RYR1: variants seen among roughly 807,000 people sequenced by gnomAD.
RYR1 encodes the protein ryanodine receptor 1.
RYR1 carries 342 observed loss-of-function variants against 583.5 expected under a neutral mutation model. That is an observed-to-expected ratio of 0.59 (90% CI 0.54 to 0.64). The LOEUF is 0.64. RYR1 is among the 30% of genes least tolerant of loss of function. The pLI is 0.00. For synonymous variants in RYR1, 2,791 were observed against 2,822.5 expected (o/e 0.99, Z 0.35); for missense variants, 6,032 against 6,917.2 (o/e 0.87, Z 4.54).
chr19:38,498,288 G>A (rs571525221), intron 42 of RYR1, among the ~76,000 whole-genome samples: 3 of 152,244 alleles, frequency 2.0e-5, no homozygotes, highest in Admixed American at 6.5e-5. Flanking sequence ...GAGGAGGGAC[G>A]TGACCTGACT....
Position 38,543,467 on chromosome 19 carries a change from G to A in RYR1, c.11778+32G>A, listed in dbSNP as rs768992945. On this transcript the variant is annotated intron_variant, in intron 85 of 105. Transcript: ENST00000359596. This position sits in a 1 kb window ranked among gnomAD's most constrained non-coding sequence, Gnocchi z 4.4. The stretch of plus-strand genomic sequence containing the variant: ...ACGTGAGACGGTTCAGGTGTGACTT[G>A]GGTCGGGGGCTGCAGGGCCATGGTC... 5.6e-6 allele frequency: 9 copies of A among 1,614,206 alleles called. No homozygotes were observed. The highest frequency in any genetic ancestry group is 7.6e-6 in the Non-Finnish European group (9 of 1,180,022).
At chr19:38,438,800 A>AC (rs1343564623) in intron 1 of RYR1, among the ~76,000 whole-genome samples, 2 of 151,384 alleles carry the variant, frequency 1.3e-5, no homozygotes, top group African/African-American at 4.9e-5. Context: ...TTGTATTTTT[A>AC]GTAGAGACGG....
rs933777872 is a variant in RYR1 at position 38,583,310 on chromosome 19, A to G, written c.14647-1633A>G. Among the ~76,000 whole-genome samples, 11 of 151,286 alleles carry G rather than the reference A, an allele frequency of 7.3e-5. No individual in the cohort carries two copies. The South Asian group carries it at 1.7e-3, about 23-fold the overall frequency. On this transcript the variant is annotated intron_variant, in intron 101 of 105. Coordinates refer to ENST00000359596, the MANE Select transcript of RYR1 (RefSeq NM_000540.3). Reference sequence around the variant, plus strand: ...AAAACTCCATCTCAAAAAAAAAAAAAAAAGAAAAAAGTACAAAAATTAGCT... The same window carrying G: ...AAAACTCCATCTCAAAAAAAAAAAAGAAAGAAAAAAGTACAAAAATTAGCT...
chr19:38,565,897 C>T lies in RYR1; in HGVS notation c.13437+126C>T, dbSNP rs905284688. ...CTAGGGGGATGGGCACACGCACCCA[C>T]GGAGGACGCACCCATGGAGGACGCA... On this transcript the variant is annotated intron_variant, in intron 91 of 105. Transcript: ENST00000359596. This position sits in a 1 kb window ranked among gnomAD's most constrained non-coding sequence, Gnocchi z 4.7. The T allele has an allele frequency of 1.8e-6, 2 of 1,109,836 alleles. No homozygotes were observed. The highest frequency in any genetic ancestry group is 2.8e-5 in the South Asian group (1 of 35,200). 68.7% of individuals were successfully genotyped at this position (1,109,836 alleles called of 1,614,324 possible). A position where few individuals can be genotyped will look rare whatever the true frequency, so the allele number is the denominator to read the frequency against.
chr19:38,585,881 G>A (rs187378759), intron 102 of RYR1, 57 bp from the exon 103 acceptor site: 6 of 1,601,462 alleles, frequency 3.7e-6, no homozygotes, highest in Non-Finnish European at 4.3e-6. Context: ...TAGCTGGAGA[G>A]GGGGGAGTCT....
Position 38,546,468 on chromosome 19 carries a change from G to A in RYR1, c.12036G>A (p.Leu4012=), listed in dbSNP as rs922413679. The A allele has an allele frequency of 1.2e-6, 2 of 1,613,768 alleles. No individual in the cohort carries two copies. Among genetic ancestry groups the A allele is most frequent in the African/African-American group, 2.7e-5 (2 of 74,870 alleles). Residue 4012 remains leucine, a synonymous_variant, in exon 88 of 106, where the codon CTG becomes CTA. Transcript: ENST00000359596. The part of the protein sequence containing the change: ...LAQDSSQIEL[L]KELLDLQKDM... ...AGGACTCAAGCCAGATCGAGCTGCT[G>A]AAGGAGCTGCTGGATCTGCAGAAGG... is the stretch of plus-strand genomic sequence containing the variant.
At chr19:38,451,666 G>A in intron 11 of RYR1, 98 bp from the exon 12 acceptor site, 11 of 1,407,858 alleles carry the variant, frequency 7.8e-6, no homozygotes, top group Non-Finnish European at 1.1e-5. Context: ...AGAGCAGGGA[G>A]GAGGGGGCAA....
In RYR1 at chr19:38,522,977, C is replaced by A. The variant is rs771099896; in HGVS notation, c.10260-51C>A. On this transcript the variant is annotated intron_variant, in intron 67 of 105. Transcript: ENST00000359596. ...TCCAAGATCTCTCTCTGGGCAGCCC[C>A]CTTCCCTGGGATCCCCACCCCCTCC... is the stretch of plus-strand genomic sequence containing the variant. 4.2e-6 allele frequency: 6 copies of A among 1,445,314 alleles called. No homozygotes were observed. In the South Asian group the frequency reaches 6.1e-5, roughly 15 times the overall value. The allele number at this position is 1,445,314 out of a possible 1,614,324, so 89.5% of individuals were successfully genotyped here. A position where few individuals can be genotyped will look rare whatever the true frequency, so the allele number is the denominator to read the frequency against.
At chr19:38,504,540 A>C (rs934470016) in intron 50 of RYR1, among the ~76,000 whole-genome samples, 180 bp downstream of exon 50, 18 of 151,772 alleles carry the variant, frequency 1.2e-4, no homozygotes, top group Admixed American at 3.3e-4. Context: ...GAGGGGGTGG[A>C]CCTCTAGTTT....
At position 38,496,185 on chromosome 19, in the gene RYR1, G is replaced by C; in HGVS notation, c.6549-30G>C. 1 of 1,596,744 alleles carries C rather than the reference G, an allele frequency of 6.3e-7. No homozygotes were observed. The highest frequency in any genetic ancestry group is 8.6e-7 in the Non-Finnish European group (1 of 1,166,386). The stretch of plus-strand genomic sequence containing the variant: ...TGGCCCTCTCCGGACCTGGGCCCCT[G>C]GTGACCCCGCACACTCTGCCCGTGC... On this transcript the variant is annotated intron_variant, in intron 39 of 105. Coordinates refer to ENST00000359596, the MANE Select transcript of RYR1 (RefSeq NM_000540.3). The surrounding 1 kb of genome is among the most constrained non-coding windows in gnomAD (Gnocchi z 4.8).
intron 60 of RYR1, 142 bp downstream of exon 60, chr19:38,510,923 A>C: frequency 7.9e-7 from 1 of 1,273,686 alleles, no homozygotes; most frequent in South Asian, 1.3e-5. Context: ...CAGCCATCCT[A>C]GTGTACCCGG....
At chr19:38,485,462 G>A (rs543714359) in intron 33 of RYR1, 128 bp from the exon 34 acceptor site, 39 of 1,271,972 alleles carry the variant, frequency 3.1e-5, no homozygotes, top group East Asian at 2.3e-5. Flanking sequence ...GGAATGGTAG[G>A]GGTTTGAAGG....
chr19:38,484,431 C>CTTCCCTCCCTTCCTTCCTTCCTCT, intron 33 of RYR1, among the ~76,000 whole-genome samples: 4 of 151,164 alleles, frequency 2.6e-5, no homozygotes, highest in South Asian at 2.1e-4. Context: ...CCTCTCCCTC[C>CTTCCCTCCCTTCCTTCCTTCCTCT]CTCCCTCCCT....
rs746913426 is a variant in RYR1, at chr19:38,485,614, G to A, written c.4959G>A (p.Ser1653=). 3.1e-6 allele frequency: 5 copies of A among 1,609,554 alleles called. No individual in the cohort carries two copies. Among genetic ancestry groups the A allele is most frequent in the African/African-American group, 1.3e-5 (1 of 74,866 alleles). The change falls in exon 34 of 106, where the codon TCG becomes TCA. Residue 1653 remains serine (S), a synonymous_variant. Coordinates refer to ENST00000359596, the MANE Select transcript of RYR1 (RefSeq NM_000540.3). The part of the protein sequence containing the change: ...ENRCMDILEL[S]ERLDLQRFHS... ...GGTGCATGGACATCCTGGAGCTGTC[G>A]GAGCGCCTGGACCTGCAGCGCTTCC... is the stretch of plus-strand genomic sequence containing the variant.
Position 38,567,806 on chromosome 19 carries a change from G to A in RYR1, c.13548G>A (p.Glu4516=). ...ATGGGGAGAAGGAAGAAGTTCCCGA[G>A]CCCACACCAGAGCCCCCCAAGAAGC... ...AENGEKEEVP[E]PTPEPPKKQA... is the part of the protein sequence containing the mutation. The change falls in exon 93 of 106, where the codon GAG becomes GAA. Residue 4516 remains glutamate, a synonymous_variant. Coordinates refer to ENST00000359596, the MANE Select transcript of RYR1 (RefSeq NM_000540.3). 1 of 1,614,086 alleles carries A rather than the reference G, an allele frequency of 6.2e-7. No homozygotes were observed. The highest frequency in any genetic ancestry group is 8.5e-7 in the Non-Finnish European group (1 of 1,180,008).
chr19:38,553,205 G>T (rs1237648291), intron 89 of RYR1, among the ~76,000 whole-genome samples: 3 of 151,672 alleles, frequency 2.0e-5, no homozygotes, highest in African/African-American at 7.3e-5. Flanking sequence ...CATGGTGGCA[G>T]GTGCCTGTAA....
chr19:38,491,823 A>G (rs930001967), intron 37 of RYR1, among the ~76,000 whole-genome samples: 7 of 152,134 alleles, frequency 4.6e-5, no homozygotes, highest in Admixed American at 3.9e-4. Context: ...TATCAGCTCA[A>G]ATATGCTGTT....
chr19:38,561,377 A>G lies in RYR1; in HGVS notation c.12547A>G (p.Met4183Val). The G allele has an allele frequency of 6.2e-7, 1 of 1,613,662 alleles. No homozygotes were observed. Among genetic ancestry groups the G allele is most frequent in the African/African-American group, 1.3e-5 (1 of 75,042 alleles). The part of the protein sequence containing the change: ...FRPYLGRIEI[M>V]GASRRIERIY... ...CCCCTACCTGGGCCGCATCGAGATC[A>G]TGGGCGCGTCACGCCGCATCGAGCG... Residue 4183 changes from methionine (M) to valine (V), a missense_variant, in exon 90 of 106, where the codon ATG becomes GTG. Met to Val is a conservative substitution (Grantham distance 21). Transcript: ENST00000359596. This position sits in a 1 kb window ranked among gnomAD's most constrained non-coding sequence, Gnocchi z 4.8.
chr19:38,474,642 T>G (rs1968620593), intron 28 of RYR1, among the ~76,000 whole-genome samples: 1 of 146,772 alleles, frequency 6.8e-6, no homozygotes, highest in Non-Finnish European at 1.5e-5. Flanking sequence ...TGGCACGATC[T>G]TGGCTCTCTG....
Sources: gnomAD v4.1 joint callset for allele counts (sites outside exome capture counted in the v4.1 genomes callset) on GRCh38, gnomAD v4.1.1 for gene constraint, Gnocchi (gnomAD v3.1) non-coding constraint, MANE v1.5 for transcripts, NCBI Gene and HGNC (gene_info 2026-07-23, HGNC 2026-07-21) for gene names.